GRID1: variants seen among roughly 807,000 people sequenced by gnomAD.
GRID1 encodes glutamate receptor ionotropic, delta-1.
GRID1 carries 28 observed loss-of-function variants against 98.0 expected under a neutral mutation model. The ratio of observed to expected loss-of-function variants is 0.29; its 90% CI spans 0.21 to 0.39. The LOEUF (loss-of-function observed/expected upper bound fraction) is 0.39. Among genes scored for constraint, GRID1 ranks in the 10% least tolerant of loss-of-function variants. The pLI is 1.00. For synonymous variants in GRID1, 553 were observed against 538.5 expected, an observed-to-expected ratio of 1.03 and a Z score of -0.37; for missense variants, 1,111 against 1,340.5, an observed-to-expected ratio of 0.83 and a Z score of 2.67.
intron 4 of GRID1, among the ~76,000 whole-genome samples, chr10:85,981,656 G>A (rs968648462): frequency 6.6e-5 from 10 of 152,146 alleles, no homozygotes; most frequent in South Asian, 2.1e-4. Context: ...ATTGCTCTCC[G>A]TCTTTCCCCA....
chr10:86,098,884 T>C (rs1285618511), intron 4 of GRID1, among the ~76,000 whole-genome samples: 1 of 152,238 alleles, frequency 6.6e-6, no homozygotes, highest in East Asian at 1.9e-4. Context: ...CTCTCTTTTG[T>C]CACACTTCTG....
chr10:85,606,930 G>A (rs1399662919), intron 15 of GRID1: 1 of 152,200 alleles, frequency 6.6e-6, no homozygotes, highest in African/African-American at 2.4e-5. Context: ...AATGACAGCT[G>A]TGAAAACAGA....
At chr10:86,292,570 A>G (rs1413121749) in intron 2 of GRID1, among the ~76,000 whole-genome samples, 1 of 152,180 alleles carries the variant, frequency 6.6e-6, no homozygotes, top group Non-Finnish European at 1.5e-5. Context: ...TGCTGCCCTG[A>G]GGCTGGGGAG....
chr10:85,999,304 T>C (rs1342233813), intron 4 of GRID1, among the ~76,000 whole-genome samples: 1 of 73,374 alleles, frequency 1.4e-5, no homozygotes, highest in African/African-American at 4.4e-5. Flanking sequence ...CTATAAGTAT[T>C]AAATAAATGT....
rs1843251757 is a variant in GRID1 at position 85,869,123 on chromosome 10, C to T, written c.838G>A (p.Val280Met). 2.5e-6 allele frequency: 4 copies of T among 1,613,650 alleles called. No individual in the cohort carries two copies. Among genetic ancestry groups the T allele is most frequent in the Non-Finnish European group, 3.4e-6 (4 of 1,179,666 alleles). The change falls in exon 6 of 16, where the codon GTG becomes ATG. Residue 280 changes from valine to methionine, a missense_variant. This residue lies in a region of GRID1 where 346 missense variants were observed against 452.3 expected (regional missense o/e 0.76). Transcript: ENST00000327946. Reference protein sequence around the residue: ...LVHSALGRMTVVRQIFPSAKD... With the variant: ...LVHSALGRMTMVRQIFPSAKD... ...GCAGACGGAAAGATTTGCCGGACCA[C>T]GGTCATCCTTCCAAGGGCACTATGG...
At chr10:85,962,028 G>A (rs968623780) in intron 4 of GRID1, among the ~76,000 whole-genome samples, 1 of 152,192 alleles carries the variant, frequency 6.6e-6, no homozygotes, top group African/African-American at 2.4e-5. Context: ...AAGGAAAGAA[G>A]GAGGAAGGGA....
intron 4 of GRID1, among the ~76,000 whole-genome samples, chr10:86,066,243 T>A (rs10509529): frequency 0.075 from 11,394 of 152,150 alleles, 504 homozygotes; most frequent in East Asian, 0.14. Context: ...AATTCAGGGA[T>A]GTTGCTCCAC....
intron 2 of GRID1, among the ~76,000 whole-genome samples, chr10:86,336,841 G>A (rs1848228324): frequency 8.9e-6 from 1 of 112,012 alleles, no homozygotes; most frequent in Admixed American, 1.1e-4. Context: ...TGACTGCCTG[G>A]CCCACTATTT....
intron 8 of GRID1, among the ~76,000 whole-genome samples, chr10:85,768,009 A>G (rs761797075): frequency 1.5e-4 from 23 of 152,372 alleles, no homozygotes; most frequent in Middle Eastern, 3.4e-3. Context: ...CACAGAGTTA[A>G]GAGATGCATA....
intron 8 of GRID1, among the ~76,000 whole-genome samples, chr10:85,758,771 A>C (rs1842121767): frequency 6.6e-6 from 1 of 152,188 alleles, no homozygotes; most frequent in African/African-American, 2.4e-5. Context: ...TATGGATAGG[A>C]TTAAATGTAC....
In GRID1 at chr10:85,806,651, G is replaced by A. The variant is rs141443571; in HGVS notation, c.1233+47845C>T. Among the ~76,000 whole-genome samples the A allele has an allele frequency of 1.5e-3, 231 of 152,138 alleles. 1 individual carries two copies. Among genetic ancestry groups the A allele is most frequent in the Non-Finnish European group, 2.5e-3 (171 of 67,972 alleles). ...AATAAAAAGGAATAAACAAAACAAC[G>A]TGGAAAACTCAAAAACATTAGGCTA... On this transcript the variant is annotated intron_variant, in intron 8 of 15. Transcript: ENST00000327946.
chr10:86,241,834 A>G (rs544003482), intron 2 of GRID1, among the ~76,000 whole-genome samples: 1 of 151,964 alleles, frequency 6.6e-6, no homozygotes, highest in South Asian at 2.1e-4. Context: ...AGCAGAAGAC[A>G]CCCCCACCTG....
intron 4 of GRID1, among the ~76,000 whole-genome samples, chr10:86,107,384 C>T (rs1018584890): frequency 5.9e-5 from 9 of 152,182 alleles, no homozygotes; most frequent in Non-Finnish European, 1.0e-4. Context: ...TTGGCAGGTA[C>T]GATGTACAAG....
intron 4 of GRID1, among the ~76,000 whole-genome samples, chr10:86,084,936 A>C (rs1015527155): frequency 2.6e-5 from 4 of 152,226 alleles, no homozygotes; most frequent in Non-Finnish European, 5.9e-5. Context: ...CTAATAAAAA[A>C]GTTCTGGAAA....
At chr10:86,227,790 C>T (rs2132033914) in intron 2 of GRID1, among the ~76,000 whole-genome samples, 1 of 152,270 alleles carries the variant, frequency 6.6e-6, no homozygotes, top group Non-Finnish European at 1.5e-5. Flanking sequence ...CATGGGTGCT[C>T]CATGCACCGT....
chr10:85,930,388 G>A (rs2131832166), intron 4 of GRID1, among the ~76,000 whole-genome samples: 1 of 149,858 alleles, frequency 6.7e-6, no homozygotes, highest in East Asian at 1.9e-4. Flanking sequence ...TTATTTATTT[G>A]TAGTTATATA....
intron 2 of GRID1, among the ~76,000 whole-genome samples, chr10:86,330,736 G>T (rs911178466): frequency 1.3e-5 from 2 of 152,214 alleles, no homozygotes; most frequent in African/African-American, 4.8e-5. Flanking sequence ...CTCAGGTGAG[G>T]CCAGATGCCG....
chr10:85,852,965 T>G (rs556803697), intron 8 of GRID1, among the ~76,000 whole-genome samples: 1 of 152,326 alleles, frequency 6.6e-6, no homozygotes, highest in Admixed American at 6.5e-5. Flanking sequence ...TGTCAGATAT[T>G]GTGTCACAAC....
intron 4 of GRID1, among the ~76,000 whole-genome samples, chr10:85,926,051 A>T (rs565097771): frequency 6.6e-6 from 1 of 152,348 alleles, no homozygotes; most frequent in African/African-American, 2.4e-5. Flanking sequence ...GGAGAATGGA[A>T]TAGAAAGAAA....
Sources: gnomAD v4.1 joint callset for allele counts (sites outside exome capture counted in the v4.1 genomes callset) on GRCh38, gnomAD v4.1.1 for gene constraint, gnomAD v4.1.1 regional missense constraint, MANE v1.5 for transcripts, NCBI Gene and HGNC (gene_info 2026-07-23, HGNC 2026-07-21) for gene names.